The following ITSN1 variants were observed in gnomAD, a reference collection of about 807,000 sequenced individuals.
ITSN1 encodes intersectin 1.
ITSN1 carries 58 observed loss-of-function variants against 239.8 expected under a neutral mutation model. That is an observed-to-expected ratio of 0.24 (90% confidence interval 0.20 to 0.30). The LOEUF (loss-of-function observed/expected upper bound fraction) is 0.30. ITSN1 is among the 10% of genes least tolerant of loss of function. The pLI, the probability that ITSN1 is intolerant of heterozygous loss-of-function variation, is 1.00. For synonymous variants in ITSN1, 780 were observed against 770.8 expected (o/e 1.01, Z -0.20); for missense variants, 1,558 against 2,103.3 (o/e 0.74, Z 5.07).
intron 16 of ITSN1, among the ~76,000 whole-genome samples, chr21:33,788,497 G>A (rs191387371): frequency 2.0e-5 from 3 of 152,278 alleles, no homozygotes; most frequent in South Asian, 2.1e-4. Context: ...TTGGGAGTTC[G>A]AGGCGAGTGG....
intron 9 of ITSN1, among the ~76,000 whole-genome samples, chr21:33,763,409 A>T (rs1171901786): frequency 6.6e-6 from 1 of 152,060 alleles, no homozygotes; most frequent in African/African-American, 2.4e-5. Context: ...AGCACTATTG[A>T]CATTTTGGGC....
At position 33,819,318 on chromosome 21, in the gene ITSN1, G is replaced by A; in HGVS notation, c.3011G>A (p.Gly1004Glu). Residue 1004 changes from glycine to glutamate, a missense_variant, in exon 24 of 40, where the codon GGA (glycine) becomes GAA (glutamate). Physicochemically the swap from Gly to Glu is moderately conservative, Grantham distance 98 (BLOSUM62 -2). Around this residue, in one of 2 missense-constraint regions of ITSN1, gnomAD observed 982 missense variants for 1,209.9 expected, o/e 0.81. Transcript: ENST00000381318. ...CCAGCAGCCAAGCCGGTCGTTTCGGGAGAAGGTGAGGGCCTGAGTTGTATT... is the reference window on the plus strand; with the variant it reads ...CCAGCAGCCAAGCCGGTCGTTTCGGAAGAAGGTGAGGGCCTGAGTTGTATT... ...ASPAAKPVVS[G>E]EEFIAMYTYE... 1.2e-6 allele frequency: 2 copies of A among 1,613,454 alleles called. No homozygotes were observed. Among genetic ancestry groups the A allele is most frequent in the Non-Finnish European group, 1.7e-6 (2 of 1,179,384 alleles).
chr21:33,727,747 C>T (rs1261531285), intron 4 of ITSN1, among the ~76,000 whole-genome samples: 3 of 151,972 alleles, frequency 2.0e-5, no homozygotes, highest in African/African-American at 7.3e-5. Context: ...CCCAAACCAA[C>T]ACCTGGGCAC....
intron 28 of ITSN1, among the ~76,000 whole-genome samples, chr21:33,834,781 C>T (rs1257871004): frequency 3.3e-5 from 5 of 150,922 alleles, no homozygotes; most frequent in East Asian, 3.9e-4. Context: ...CAAAAATAAA[C>T]GGCTGGGGTC....
intron 29 of ITSN1, chr21:33,837,212 G>A (rs950813550): frequency 8.7e-6 from 11 of 1,262,710 alleles, no homozygotes; most frequent in Non-Finnish European, 1.1e-5. Context: ...TGCAGAGATA[G>A]GAGCAAAAAT....
At chr21:33,868,731 G>A (rs1166100547) in intron 33 of ITSN1, among the ~76,000 whole-genome samples, 2 of 152,204 alleles carry the variant, frequency 1.3e-5, no homozygotes, top group Admixed American at 6.5e-5. Flanking sequence ...GAGGGAGGGG[G>A]CTTCGGCCTT....
chr21:33,878,204 T>A (rs964566721), intron 34 of ITSN1, among the ~76,000 whole-genome samples: 1 of 152,098 alleles, frequency 6.6e-6, no homozygotes, highest in Non-Finnish European at 1.5e-5. Context: ...CTAATGATTC[T>A]ATTTTTTTTG....
chr21:33,813,150 T>G (rs984336004), intron 21 of ITSN1, among the ~76,000 whole-genome samples: 4 of 152,014 alleles, frequency 2.6e-5, no homozygotes, highest in African/African-American at 9.7e-5. Context: ...AATGAGGAAA[T>G]CAAATGCCTT....
intron 1 of ITSN1, among the ~76,000 whole-genome samples, chr21:33,654,830 A>G (rs1304940680): frequency 2.0e-5 from 3 of 152,146 alleles, no homozygotes; most frequent in Non-Finnish European, 2.9e-5. Context: ...AGAGAACACT[A>G]CCTGACTCTC....
intron 37 of ITSN1, 73 bp downstream of exon 37, chr21:33,885,196 C>T: frequency 7.6e-7 from 1 of 1,310,154 alleles, no homozygotes; most frequent in Non-Finnish European, 1.1e-6. Context: ...GCTGAAAATC[C>T]TCAGAATAGA....
intron 27 of ITSN1, among the ~76,000 whole-genome samples, chr21:33,833,102 C>T (rs903657508): frequency 5.3e-5 from 8 of 151,996 alleles, no homozygotes; most frequent in African/African-American, 1.9e-4. Flanking sequence ...AAGCCCGACT[C>T]ATGATCCCTA....
chr21:33,807,587 G>A (rs188621450), intron 20 of ITSN1, among the ~76,000 whole-genome samples: 1 of 152,306 alleles, frequency 6.6e-6, no homozygotes, highest in East Asian at 1.9e-4. Flanking sequence ...GCTTCCAGAA[G>A]TGCTGGGATT....
intron 5 of ITSN1, among the ~76,000 whole-genome samples, chr21:33,747,591 G>A (rs1211052329): frequency 1.3e-5 from 2 of 152,164 alleles, no homozygotes; most frequent in African/African-American, 4.8e-5. Flanking sequence ...AGCAGCAAGA[G>A]AAAAGCAACT....
Position 33,805,695 on chromosome 21 carries a change from G to A in ITSN1, c.2319+3251G>A, listed in dbSNP as rs536487963. Among the ~76,000 whole-genome samples the A allele has an allele frequency of 1.2e-4, 18 of 151,754 alleles. No individual in the cohort carries two copies. In the South Asian group the frequency reaches 3.3e-3, roughly 28 times the overall value. ...TTTGTTTATTTTTTGTTTTTGAGAC[G>A]GAGTCTCTCTCTGTCGCCCAGGCTG... On this transcript the variant is annotated intron_variant, in intron 20 of 39. Coordinates refer to ENST00000381318, the MANE Select transcript of ITSN1 (RefSeq NM_003024.3).
At chr21:33,885,564 G>C (rs1419202899) in intron 38 of ITSN1, 42 bp downstream of exon 38, 5 of 1,539,458 alleles carry the variant, frequency 3.2e-6, no homozygotes, top group Middle Eastern at 1.7e-4. Context: ...TTGGGGTTGG[G>C]AGTAGGGTCC....
At chr21:33,758,200 T>C (rs921279340) in intron 8 of ITSN1, among the ~76,000 whole-genome samples, 3 of 152,186 alleles carry the variant, frequency 2.0e-5, no homozygotes, top group Non-Finnish European at 4.4e-5. Flanking sequence ...CATGGTTCAC[T>C]GCTGCCTGGA....
In ITSN1 at chr21:33,680,335, C is replaced by CT. The variant is rs766411012; in HGVS notation, c.-33+37636dup. ...TTTCTTTTTCTTTCTTTTCTTTTTT[C>CT]TTTTTTTTTTTTTTGAGACAGGGTC... On this transcript the variant is annotated intron_variant, in intron 1 of 39. Transcript: ENST00000381318. Among the ~76,000 whole-genome samples the CT allele has an allele frequency of 1.7e-3, 233 of 138,514 alleles. 3 individuals carry two copies. Among genetic ancestry groups the CT allele is most frequent in the South Asian group, 6.2e-3 (27 of 4,322 alleles). The allele number at this position is 138,514 out of a possible 152,430, so 90.9% of individuals were successfully genotyped here.
chr21:33,811,298 T>G lies in ITSN1; in HGVS notation c.2567+76T>G, dbSNP rs903214995. The G allele has an allele frequency of 1.3e-5, 18 of 1,394,426 alleles. No individual in the cohort carries two copies. In the African/African-American group the frequency reaches 2.3e-4, roughly 18 times the overall value. 86.4% of individuals were successfully genotyped at this position (1,394,426 alleles called of 1,614,324 possible). A position where few individuals can be genotyped will look rare whatever the true frequency, so the allele number is the denominator to read the frequency against. ...ATTTCCCCCCCACCCCCTTAAGTATTTTCATAGTCTTGGATTGTCCTTCTA... is the reference window on the plus strand; with the variant it reads ...ATTTCCCCCCCACCCCCTTAAGTATGTTCATAGTCTTGGATTGTCCTTCTA... On this transcript the variant is annotated intron_variant, in intron 21 of 39. Coordinates refer to ENST00000381318, the MANE Select transcript of ITSN1 (RefSeq NM_003024.3).
In ITSN1 at chr21:33,819,229, C is replaced by T; in HGVS notation, c.2934-12C>T. The T allele has an allele frequency of 6.3e-7, 1 of 1,594,250 alleles. No homozygotes were observed. The highest frequency in any genetic ancestry group is 8.6e-7 in the Non-Finnish European group (1 of 1,164,560). ...ATAAAAATTAAAATACTCTCTTCTTCCATTATTGCAGCATGGATTCTGGTT... is the reference window on the plus strand; with the variant it reads ...ATAAAAATTAAAATACTCTCTTCTTTCATTATTGCAGCATGGATTCTGGTT... On this transcript the variant is annotated splice_polypyrimidine_tract_variant and intron_variant, in intron 23 of 39. Transcript: ENST00000381318.
Sources: gnomAD v4.1 joint callset for allele counts (sites outside exome capture counted in the v4.1 genomes callset) on GRCh38, gnomAD v4.1.1 for gene constraint, gnomAD v4.1.1 regional missense constraint, MANE v1.5 for transcripts, NCBI Gene and HGNC (gene_info 2026-07-23, HGNC 2026-07-21) for gene names.